VWC2: variants seen among roughly 807,000 people sequenced by gnomAD.
VWC2 encodes the protein von Willebrand factor C domain containing 2.
In VWC2, 14 loss-of-function variants were observed where a neutral mutation model predicts 29.8. The observed-to-expected ratio is 0.47, with a 90% CI of 0.31 to 0.74. The LOEUF is 0.74. Ranked by LOEUF, VWC2 falls within the 30% of genes least tolerant of loss-of-function variation. The pLI is 0.05. For synonymous variants in VWC2, 213 were observed against 199.0 expected, an observed-to-expected ratio of 1.07 and a Z score of -0.59; for missense variants, 457 against 459.8, an observed-to-expected ratio of 0.99 and a Z score of 0.05.
At chr7:49,899,969 C>G (rs1316945204) in intron 3 of VWC2, among the ~76,000 whole-genome samples, 1 of 151,782 alleles carries the variant, frequency 6.6e-6, no homozygotes, top group Non-Finnish European at 1.5e-5. Flanking sequence ...CATACAATAG[C>G]TGCTCTCAGA....
chr7:49,899,121 C>T (rs1792567401), intron 3 of VWC2, among the ~76,000 whole-genome samples: 1 of 151,944 alleles, frequency 6.6e-6, no homozygotes, highest in African/African-American at 2.4e-5. Flanking sequence ...AGACTATCCC[C>T]CCTTATCCAC....
intron 3 of VWC2, among the ~76,000 whole-genome samples, chr7:49,852,993 G>C (rs1790255232): frequency 6.6e-6 from 1 of 152,206 alleles, no homozygotes; most frequent in Non-Finnish European, 1.5e-5. Flanking sequence ...CTCCAGTCCA[G>C]AGCCCTTTCC....
chr7:49,784,679 C>T (rs1788254643), intron 2 of VWC2, among the ~76,000 whole-genome samples: 1 of 152,222 alleles, frequency 6.6e-6, no homozygotes, highest in Non-Finnish European at 1.5e-5. Context: ...CAAGTCATTG[C>T]CATCTGTAGC....
chr7:49,782,994 C>T (rs1025209416), intron 2 of VWC2, among the ~76,000 whole-genome samples: 3 of 152,174 alleles, frequency 2.0e-5, no homozygotes, highest in African/African-American at 4.8e-5. Context: ...TAGACAAGTT[C>T]TGCAGAGTGT....
At chr7:49,832,623 C>T (rs2128711686) in intron 3 of VWC2, among the ~76,000 whole-genome samples, 1 of 152,216 alleles carries the variant, frequency 6.6e-6, no homozygotes, top group Non-Finnish European at 1.5e-5. Flanking sequence ...GAAAACTGAC[C>T]TATTTCAAAC....
intron 2 of VWC2, among the ~76,000 whole-genome samples, chr7:49,777,615 C>T (rs1390157315): frequency 6.6e-6 from 1 of 152,198 alleles, no homozygotes; most frequent in Non-Finnish European, 1.5e-5. Flanking sequence ...CATTTGACTG[C>T]AGCCCTTTGG....
intron 3 of VWC2, among the ~76,000 whole-genome samples, chr7:49,886,984 T>A (rs1791932441): frequency 6.6e-6 from 1 of 152,208 alleles, no homozygotes; most frequent in Admixed American, 6.5e-5. Context: ...TACCTTCATT[T>A]TTACTTTTAC....
At chr7:49,792,797 C>T (rs1788495200) in intron 2 of VWC2, among the ~76,000 whole-genome samples, 1 of 152,166 alleles carries the variant, frequency 6.6e-6, no homozygotes, top group South Asian at 2.1e-4. Flanking sequence ...GGGGAAGCCT[C>T]ATGGGGTTTC....
chr7:49,895,658 A>C (rs1792350458), intron 3 of VWC2, among the ~76,000 whole-genome samples: 1 of 152,188 alleles, frequency 6.6e-6, no homozygotes, highest in African/African-American at 2.4e-5. Flanking sequence ...TCAGTAATTA[A>C]TTATCAGCCA....
At chr7:49,849,007 G>A (rs1373496685) in intron 3 of VWC2, among the ~76,000 whole-genome samples, 1 of 152,158 alleles carries the variant, frequency 6.6e-6, no homozygotes, top group Non-Finnish European at 1.5e-5. Context: ...CAATACAGTA[G>A]CCAATTGTCT....
At chr7:49,865,387 A>G (rs1261930607) in intron 3 of VWC2, among the ~76,000 whole-genome samples, 3 of 152,238 alleles carry the variant, frequency 2.0e-5, no homozygotes, top group African/African-American at 7.2e-5. Context: ...TGGGAGTAAC[A>G]TGAGCACTGA....
intron 3 of VWC2, among the ~76,000 whole-genome samples, chr7:49,851,424 C>T (rs901709273): frequency 1.3e-5 from 2 of 152,196 alleles, no homozygotes; most frequent in African/African-American, 4.8e-5. Context: ...AGCAGACGGG[C>T]ACTTAAGGAT....
chr7:49,843,744 C>T (rs183474917), intron 3 of VWC2, among the ~76,000 whole-genome samples: 4 of 152,252 alleles, frequency 2.6e-5, no homozygotes, highest in South Asian at 2.1e-4. Context: ...GGATGAGAAG[C>T]GAAGATTTGA....
intron 2 of VWC2, among the ~76,000 whole-genome samples, chr7:49,789,784 C>A (rs953498839): frequency 6.6e-6 from 1 of 152,202 alleles, no homozygotes; most frequent in Non-Finnish European, 1.5e-5. Flanking sequence ...CTTTCTCTTA[C>A]GGGCTTAATT....
rs533435226 is a variant in VWC2 at position 49,784,018 on chromosome 7, C to T, written c.696+7887C>T. ...GCTTTAAACATGAGACCTCTCCTTC[C>T]TTTCCTGGGAATATGGAGGATAGCC... On this transcript the variant is annotated intron_variant, in intron 2 of 3. Coordinates refer to ENST00000340652, the MANE Select transcript of VWC2 (RefSeq NM_198570.5). Among the ~76,000 whole-genome samples the T allele has an allele frequency of 9.8e-5, 15 of 152,344 alleles. 1 individual carries two copies. The East Asian group carries it at 2.7e-3, about 27-fold the overall frequency.
At chr7:49,839,563 T>C (rs1789744712) in intron 3 of VWC2, among the ~76,000 whole-genome samples, 3 of 151,920 alleles carry the variant, frequency 2.0e-5, no homozygotes, top group South Asian at 2.1e-4. Context: ...AGGTTTCACC[T>C]GGACAAGATC....
chr7:49,912,209 G>C lies in VWC2; in HGVS notation c.*24G>C. On this transcript the variant is annotated 3_prime_UTR_variant, in exon 4 of 4. Transcript: ENST00000340652. ...AGACGCTTCCCAGAACACAAACTCT[G>C]ACTTTTTCTAGAACATTTTACTGAT... 6.2e-7 allele frequency: 1 copy of C among 1,612,220 alleles called. No homozygotes were observed. The highest frequency in any genetic ancestry group is 8.5e-7 in the Non-Finnish European group (1 of 1,178,998).
At chr7:49,841,353 A>C (rs1201373208) in intron 3 of VWC2, among the ~76,000 whole-genome samples, 1 of 152,110 alleles carries the variant, frequency 6.6e-6, no homozygotes, top group Non-Finnish European at 1.5e-5. Flanking sequence ...AAAAAGCAGT[A>C]AACAGAACAG....
chr7:49,826,214 G>A (rs1789388334), intron 3 of VWC2, among the ~76,000 whole-genome samples: 1 of 152,014 alleles, frequency 6.6e-6, no homozygotes, highest in Non-Finnish European at 1.5e-5. Flanking sequence ...TGCTATCTGG[G>A]GGACAGTTTT....
Sources: gnomAD v4.1 joint callset for allele counts (sites outside exome capture counted in the v4.1 genomes callset) on GRCh38, gnomAD v4.1.1 for gene constraint, MANE v1.5 for transcripts, NCBI Gene and HGNC (gene_info 2026-07-23, HGNC 2026-07-21) for gene names.